Variants in CADPS2 observed in about 807,000 individuals in gnomAD.
CADPS2 encodes calcium-dependent secretion activator 2.
In CADPS2, 93 loss-of-function variants were observed where a neutral mutation model predicts 172.5. The ratio of observed to expected loss-of-function variants is 0.54; its 90% CI spans 0.46 to 0.64. The LOEUF (loss-of-function observed/expected upper bound fraction) is 0.64, where lower values mean the gene tolerates loss of function less well. Among genes scored for constraint, CADPS2 ranks in the 30% least tolerant of loss-of-function variants. The pLI is 0.00. For missense variants in CADPS2, 1,420 were observed against 1,565.9 expected (o/e 0.91, Z 1.57); for synonymous variants, 546 against 555.2 (o/e 0.98, Z 0.23).
intron 27 of CADPS2, among the ~76,000 whole-genome samples, chr7:122,349,682 G>C (rs912591293): frequency 1.3e-5 from 2 of 152,076 alleles, no homozygotes; most frequent in South Asian, 2.1e-4. Context: ...TTTAAGAAAG[G>C]GTGCAGACTC....
At position 122,817,334 on chromosome 7, in the gene CADPS2, CTCT is replaced by C. The variant is rs539859998; in HGVS notation, c.339+68662_339+68664del. ...ACCAATTTTAAATCAGGTAAGCGGC[CTCT>C]TCTTATTCTCTTCTCCAACCTCTCT... On this transcript the variant is annotated intron_variant, in intron 1 of 29. Transcript: ENST00000449022. Among the ~76,000 whole-genome samples the C allele has an allele frequency of 1.6e-4, 24 of 152,272 alleles. No homozygotes were observed. In the East Asian group the frequency reaches 4.3e-3, roughly 27 times the overall value.
intron 1 of CADPS2, among the ~76,000 whole-genome samples, chr7:122,745,606 AAAACC>A (rs2092689368): frequency 1.3e-5 from 2 of 150,190 alleles, no homozygotes; most frequent in African/African-American, 4.9e-5. Context: ...GTTTTAGCCT[AAAACC>A]AAGTTCTTAT....
chr7:122,882,665 A>G (rs1409725617), intron 1 of CADPS2, among the ~76,000 whole-genome samples: 1 of 140,662 alleles, frequency 7.1e-6, no homozygotes, highest in Non-Finnish European at 1.5e-5. Flanking sequence ...AATGTTTTTC[A>G]TAAGTCTAAC....
chr7:122,847,762 G>A (rs973879295), intron 1 of CADPS2, among the ~76,000 whole-genome samples: 44 of 152,114 alleles, frequency 2.9e-4, no homozygotes, highest in African/African-American at 1.0e-3. Context: ...TTACTGCTCC[G>A]AACTCATACT....
intron 17 of CADPS2, among the ~76,000 whole-genome samples, chr7:122,425,388 G>A (rs567127295): frequency 2.4e-5 from 3 of 125,838 alleles, no homozygotes; most frequent in Non-Finnish European, 4.7e-5. Context: ...AGGAGTTCAA[G>A]ACCAGCCTGG....
At chr7:122,594,331 G>A (rs537346170) in intron 6 of CADPS2, among the ~76,000 whole-genome samples, 2 of 151,324 alleles carry the variant, frequency 1.3e-5, no homozygotes, top group Admixed American at 6.6e-5. Context: ...TGCACTTTAA[G>A]GCAGAAAAAT....
chr7:122,850,457 G>A (rs1563172411), intron 1 of CADPS2: 1 of 243,534 alleles, frequency 4.1e-6, no homozygotes, highest in Non-Finnish European at 8.1e-6. Flanking sequence ...TGCTCCAACT[G>A]CCTCCAGCTT....
intron 9 of CADPS2, among the ~76,000 whole-genome samples, chr7:122,492,809 C>T (rs1015545712): frequency 1.3e-5 from 2 of 152,052 alleles, no homozygotes; most frequent in African/African-American, 4.8e-5. Context: ...CAGTGATCCT[C>T]CCACTCAGCC....
At chr7:122,375,329 T>C (rs576931114) in intron 25 of CADPS2, among the ~76,000 whole-genome samples, 10 of 152,088 alleles carry the variant, frequency 6.6e-5, no homozygotes, top group Non-Finnish European at 1.0e-4. Flanking sequence ...ATCAAAAAAG[T>C]AAACAATGTT....
At chr7:122,445,877 C>T (rs550450131) in intron 15 of CADPS2, among the ~76,000 whole-genome samples, 2 of 152,046 alleles carry the variant, frequency 1.3e-5, no homozygotes, top group Non-Finnish European at 2.9e-5. Flanking sequence ...TTTTTAGATT[C>T]GGTAAGATTT....
rs531392436 is a variant in CADPS2, at chr7:122,398,295, TAAAAG to T, written c.2747-4718_2747-4714del. Among the ~76,000 whole-genome samples the T allele has an allele frequency of 4.6e-3, 693 of 152,166 alleles. 3 individuals are homozygous for T. The highest frequency in any genetic ancestry group is 8.2e-3 in the Non-Finnish European group (557 of 67,970). On this transcript the variant is annotated intron_variant, in intron 20 of 29. Coordinates refer to ENST00000449022, the MANE Select transcript of CADPS2 (RefSeq NM_017954.11). ...CTGGGTAAAATAAAGAATAAGCAAA[TAAAAG>T]AATTCATATATTGTTTTTAGGGTAA...
At chr7:122,475,909 T>C (rs2056575951) in intron 12 of CADPS2, among the ~76,000 whole-genome samples, 1 of 152,214 alleles carries the variant, frequency 6.6e-6, no homozygotes, top group Non-Finnish European at 1.5e-5. Context: ...AATGATTAAA[T>C]ACATTACATG....
At chr7:122,707,828 G>A (rs1022948692) in intron 2 of CADPS2, among the ~76,000 whole-genome samples, 1 of 151,022 alleles carries the variant, frequency 6.6e-6, no homozygotes, top group Non-Finnish European at 1.5e-5. Context: ...TTATTTGCAA[G>A]CATCTCCTCT....
At chr7:122,807,400 C>T (rs1799017354) in intron 1 of CADPS2, among the ~76,000 whole-genome samples, 1 of 152,174 alleles carries the variant, frequency 6.6e-6, no homozygotes, top group Non-Finnish European at 1.5e-5. Flanking sequence ...TGCCTATAAT[C>T]TGGAGAGAAA....
At chr7:122,386,455 T>C (rs2043690629) in intron 24 of CADPS2, 6 of 483,688 alleles carry the variant, frequency 1.2e-5, no homozygotes, top group Non-Finnish European at 1.8e-5. Context: ...TAAATCAATT[T>C]TCACCCAATC....
At chr7:122,333,336 G>C (rs1359355872) in intron 28 of CADPS2, among the ~76,000 whole-genome samples, 1 of 152,208 alleles carries the variant, frequency 6.6e-6, no homozygotes, top group African/African-American at 2.4e-5. Context: ...CTGTTAGCAT[G>C]TCTTTCTGCT....
chr7:122,675,823 C>T (rs911400537), intron 2 of CADPS2, among the ~76,000 whole-genome samples: 9 of 151,798 alleles, frequency 5.9e-5, no homozygotes, highest in African/African-American at 1.7e-4. Context: ...CTGTTGGGGG[C>T]GCTGGGGGTT....
rs2051454729 is a variant in CADPS2 at position 122,442,269 on chromosome 7, A to AC, written c.2289-695dup. 3.3e-5 allele frequency among the ~76,000 whole-genome samples: 5 copies of AC among 152,266 alleles called. No individual in the cohort carries two copies. The South Asian group carries it at 6.2e-4, about 19-fold the overall frequency. The stretch of plus-strand genomic sequence containing the variant: ...GATGGTAACAGGTTTATTGCTCTTT[A>AC]CCAGGGGGTCCTGCTTCAGGTCAAT... On this transcript the variant is annotated intron_variant, in intron 15 of 29. Transcript: ENST00000449022.
At chr7:122,538,984 A>G (rs1293302710) in intron 8 of CADPS2, among the ~76,000 whole-genome samples, 1 of 152,114 alleles carries the variant, frequency 6.6e-6, no homozygotes, top group Admixed American at 6.6e-5. Context: ...TAAATACTGG[A>G]TGTTTAATGA....
Sources: allele counts gnomAD v4.1 joint callset (sites outside exome capture counted in the v4.1 genomes callset), GRCh38; gene constraint gnomAD v4.1.1; transcripts MANE v1.5; gene names NCBI Gene and HGNC (gene_info 2026-07-23, HGNC 2026-07-21).